Variants in CLIC5 observed in about 807,000 individuals in gnomAD.
CLIC5 encodes chloride intracellular channel protein 5.
CLIC5 carries 20 observed loss-of-function variants against 24.7 expected under a neutral mutation model. That is an observed-to-expected ratio of 0.81 (90% confidence interval 0.57 to 1.18). The LOEUF (loss-of-function observed/expected upper bound fraction) is 1.18, where lower values mean the gene tolerates loss of function less well. Among genes scored for constraint, CLIC5 ranks in the 50% most tolerant of loss-of-function variants. The pLI, the probability that CLIC5 is intolerant of heterozygous loss-of-function variation, is 0.00. For synonymous variants in CLIC5, 159 were observed against 135.6 expected, an observed-to-expected ratio of 1.17 and a Z score of -1.20; for missense variants, 341 against 326.1, an observed-to-expected ratio of 1.05 and a Z score of -0.35.
Position 45,951,143 on chromosome 6 carries a change from C to T in CLIC5, c.174-1762G>A, listed in dbSNP as rs767951395. On this transcript the variant is annotated intron_variant, in intron 2 of 5. Coordinates refer to ENST00000339561, the MANE Select transcript of CLIC5 (RefSeq NM_016929.5). ...ATATATGTAATAGGCAGCAAATTTG[C>T]TCCCTAAGAAGACAGAAAGCTCTTT... 1.1e-3 allele frequency among the ~76,000 whole-genome samples: 168 copies of T among 152,284 alleles called. 1 individual carries two copies. Among genetic ancestry groups the T allele is most frequent in the Non-Finnish European group, 4.9e-4 (33 of 68,022 alleles).
At chr6:45,977,403 A>G (rs1224408651) in intron 1 of CLIC5, among the ~76,000 whole-genome samples, 2 of 151,954 alleles carry the variant, frequency 1.3e-5, no homozygotes, top group Non-Finnish European at 2.9e-5. Flanking sequence ...ATTTCAACAA[A>G]CCCCCCAGAT....
exon 1 of CLIC5, chr6:46,080,287 T>A (rs1762892248): frequency 1.3e-6 from 2 of 1,490,586 alleles, no homozygotes; most frequent in African/African-American, 2.8e-5. Context: ...CCTGAGTAGA[T>A]CTGAAATGAA....
At chr6:45,960,663 C>T (rs1555214) in intron 1 of CLIC5, among the ~76,000 whole-genome samples, 76,552 of 152,090 alleles carry the variant, frequency 0.5, 21,283 homozygotes, top group Non-Finnish European at 0.63. Context: ...CTATGTCCAG[C>T]CGGCCTATGG....
chr6:46,013,399 A>G (rs1449118490), intron 1 of CLIC5, among the ~76,000 whole-genome samples: 5 of 152,210 alleles, frequency 3.3e-5, no homozygotes, highest in Non-Finnish European at 7.3e-5. Context: ...ATTTCACAAT[A>G]TTTCTAGCCT....
chr6:45,886,638 A>G (rs901326755), intron 6 of CLIC5, among the ~76,000 whole-genome samples: 3 of 152,194 alleles, frequency 2.0e-5, no homozygotes, highest in Admixed American at 6.5e-5. Context: ...ATCTGAAGGA[A>G]GAAACTGCCA....
chr6:45,882,190 T>C (rs1762269438), intron 6 of CLIC5, among the ~76,000 whole-genome samples: 1 of 152,190 alleles, frequency 6.6e-6, no homozygotes, highest in Non-Finnish European at 1.5e-5. Context: ...CCTGGAACCA[T>C]CTTGGATGGC....
intron 5 of CLIC5, chr6:45,912,591 A>T: frequency 1.4e-6 from 2 of 1,447,500 alleles, no homozygotes; most frequent in Non-Finnish European, 1.9e-6. Flanking sequence ...AATGAATTCC[A>T]AAAAGATTAA....
intron 1 of CLIC5, among the ~76,000 whole-genome samples, chr6:45,956,013 G>A (rs571575291): frequency 1.3e-5 from 2 of 152,270 alleles, no homozygotes; most frequent in East Asian, 3.9e-4. Context: ...CTGTAGGTGG[G>A]CTTGGGGATA....
the CLIC5 span, among the ~76,000 whole-genome samples, chr6:46,120,586 A>G: frequency 1.3e-5 from 2 of 152,240 alleles, no homozygotes; most frequent in African/African-American, 4.8e-5. Context: ...GACGGAGAAT[A>G]ACTTTGACAA....
At chr6:45,971,566 C>CAGAT (rs1284025137) in intron 1 of CLIC5, among the ~76,000 whole-genome samples, 5 of 152,208 alleles carry the variant, frequency 3.3e-5, no homozygotes, top group Non-Finnish European at 7.3e-5. Flanking sequence ...GCATTAATGA[C>CAGAT]AGATAGTCTT....
chr6:46,120,797 G>T, the CLIC5 span, among the ~76,000 whole-genome samples: 1 of 152,196 alleles, frequency 6.6e-6, no homozygotes, highest in Non-Finnish European at 1.5e-5. Flanking sequence ...ACAAGCTTCA[G>T]TAGCCGATTC....
intron 1 of CLIC5, among the ~76,000 whole-genome samples, chr6:46,039,569 C>T (rs146070763): frequency 1.5e-4 from 23 of 151,810 alleles, no homozygotes; most frequent in African/African-American, 5.6e-4. Flanking sequence ...ATAAAATAAG[C>T]ATATTATTTT....
At chr6:45,944,102 T>C (rs749632509) in intron 3 of CLIC5, among the ~76,000 whole-genome samples, 1 of 152,178 alleles carries the variant, frequency 6.6e-6, no homozygotes, top group Non-Finnish European at 1.5e-5. Context: ...GATCTGATGA[T>C]AATCAAAGAG....
At chr6:45,944,368 G>C (rs760477291) in intron 3 of CLIC5, among the ~76,000 whole-genome samples, 3 of 151,968 alleles carry the variant, frequency 2.0e-5, no homozygotes, top group Non-Finnish European at 4.4e-5. Flanking sequence ...CTGTGGAATT[G>C]TGACAGACAC....
At chr6:46,056,036 A>G (rs1278795079) in intron 1 of CLIC5, among the ~76,000 whole-genome samples, 2 of 152,232 alleles carry the variant, frequency 1.3e-5, no homozygotes, top group Non-Finnish European at 2.9e-5. Flanking sequence ...GTCTGAGTAC[A>G]TTTGATGCCA....
At chr6:45,963,382 C>T (rs1764915099) in intron 1 of CLIC5, among the ~76,000 whole-genome samples, 2 of 152,174 alleles carry the variant, frequency 1.3e-5, no homozygotes, top group African/African-American at 4.8e-5. Flanking sequence ...TCTGCTGTTG[C>T]TATCCTGAAA....
At chr6:45,917,660 C>T (rs998552253) in intron 4 of CLIC5, among the ~76,000 whole-genome samples, 2 of 152,184 alleles carry the variant, frequency 1.3e-5, no homozygotes, top group African/African-American at 2.4e-5. Flanking sequence ...ACCATATTAT[C>T]GGATAGCAAA....
chr6:46,125,320 G>A, the CLIC5 span, among the ~76,000 whole-genome samples: 56 of 152,120 alleles, frequency 3.7e-4, no homozygotes, highest in Non-Finnish European at 5.3e-4. Flanking sequence ...GCAAACTATC[G>A]CAAGGACAAA....
rs867525755 is a variant in CLIC5, at chr6:45,996,787, A to G, written c.63+18693T>C. Among the ~76,000 whole-genome samples the G allele has an allele frequency of 1.2e-3, 184 of 152,138 alleles. 1 individual carries two copies. The highest frequency in any genetic ancestry group is 4.2e-3 in the African/African-American group (175 of 41,496). Reference sequence around the variant, plus strand: ...ATCACTGGCCATCAGAGAAATGCAAATCAAAACCACAATGAGATACCATCT... The same window carrying G: ...ATCACTGGCCATCAGAGAAATGCAAGTCAAAACCACAATGAGATACCATCT... On this transcript the variant is annotated intron_variant, in intron 1 of 5. Transcript: ENST00000339561.
Sources: gnomAD v4.1 joint callset for allele counts (sites outside exome capture counted in the v4.1 genomes callset) on GRCh38, gnomAD v4.1.1 for gene constraint, MANE v1.5 for transcripts, NCBI Gene and HGNC (gene_info 2026-07-23, HGNC 2026-07-21) for gene names.